Variants in WDR70 observed in about 807,000 individuals in gnomAD.
The protein encoded by WDR70 is WD repeat domain 70, also known as WD repeat-containing protein 70.
WDR70 carries 53 observed loss-of-function variants against 88.6 expected under a neutral mutation model. The ratio of observed to expected loss-of-function variants is 0.60; its 90% confidence interval spans 0.48 to 0.75. WDR70 has a LOEUF of 0.75. WDR70 is among the 30% of genes least tolerant of loss of function. The pLI, the probability that WDR70 is intolerant of heterozygous loss-of-function variation, is 0.00. For missense variants in WDR70, 610 were observed against 823.2 expected, an observed-to-expected ratio of 0.74 and a Z score of 3.17; for synonymous variants, 280 against 270.0, an observed-to-expected ratio of 1.04 and a Z score of -0.36.
intron 6 of WDR70, among the ~76,000 whole-genome samples, chr5:37,440,202 A>G (rs1023489903): frequency 1.3e-5 from 2 of 152,216 alleles, no homozygotes; most frequent in Non-Finnish European, 2.9e-5. Flanking sequence ...TATACTTACT[A>G]TGGCATAATA....
chr5:37,453,852 C>G (rs985681438), intron 7 of WDR70, among the ~76,000 whole-genome samples: 1 of 152,170 alleles, frequency 6.6e-6, no homozygotes, highest in Admixed American at 6.5e-5. Flanking sequence ...AATGTCAGCT[C>G]CTCAGAGAGA....
At chr5:37,472,054 C>A (rs1739342217) in intron 7 of WDR70, among the ~76,000 whole-genome samples, 1 of 151,660 alleles carries the variant, frequency 6.6e-6, no homozygotes, top group African/African-American at 2.4e-5. Flanking sequence ...TACCCTTTAT[C>A]AAATTAAGAA....
At chr5:37,446,915 G>A (rs1738501120) in intron 7 of WDR70, among the ~76,000 whole-genome samples, 1 of 152,138 alleles carries the variant, frequency 6.6e-6, no homozygotes, top group Admixed American at 6.6e-5. Context: ...AAAAGCAATG[G>A]TAACAAAAGC....
chr5:37,640,508 A>G (rs540656510), intron 10 of WDR70, among the ~76,000 whole-genome samples: 25 of 152,308 alleles, frequency 1.6e-4, no homozygotes, highest in African/African-American at 5.3e-4. Context: ...AATAATTTTA[A>G]AAGAACATGC....
chr5:37,486,947 G>A (rs1438539540), intron 8 of WDR70, among the ~76,000 whole-genome samples: 4 of 152,062 alleles, frequency 2.6e-5, no homozygotes, highest in African/African-American at 4.8e-5. Context: ...TTCTTTTGCT[G>A]TGCAGAAGCT....
intron 8 of WDR70, among the ~76,000 whole-genome samples, chr5:37,513,159 T>C (rs945187542): frequency 6.6e-6 from 1 of 152,086 alleles, no homozygotes; most frequent in Non-Finnish European, 1.5e-5. Flanking sequence ...GTTCCAAAAG[T>C]CAAAAAATGA....
rs1561875831 is a variant in WDR70, at chr5:37,497,437, C to CCCTTCCGTCTTCCCTTT, written c.840+17474_840+17490dup. Among the ~76,000 whole-genome samples the CCCTTCCGTCTTCCCTTT allele has an allele frequency of 8.4e-5, 11 of 131,138 alleles. No homozygotes were observed. In the South Asian group the frequency reaches 1.5e-3, roughly 18 times the overall value. The allele number at this position is 131,138 out of a possible 152,430, so 86.0% of individuals were successfully genotyped here. ...CTCCCCTTCCCTTCCCTCTTCCCTT[C>CCCTTCCGTCTTCCCTTT]CCTTCCGTCTTCCCTTTCCTTCCGT... On this transcript the variant is annotated intron_variant, in intron 8 of 17. Transcript: ENST00000265107.
chr5:37,444,336 C>T (rs372673727), intron 7 of WDR70, among the ~76,000 whole-genome samples: 19 of 94,202 alleles, frequency 2.0e-4, no homozygotes, highest in Non-Finnish European at 1.8e-4. Flanking sequence ...CAGCCTTTCT[C>T]TTTTTTTTTT....
At chr5:37,734,686 C>G (rs936520814) in intron 17 of WDR70, among the ~76,000 whole-genome samples, 14 of 152,092 alleles carry the variant, frequency 9.2e-5, no homozygotes, top group Admixed American at 6.6e-4. Flanking sequence ...CAGGGAAGAA[C>G]GTCTACAAAA....
chr5:37,570,681 T>C (rs559347800), intron 9 of WDR70, among the ~76,000 whole-genome samples: 8 of 152,316 alleles, frequency 5.3e-5, no homozygotes, highest in African/African-American at 1.9e-4. Context: ...AGAATAGTTA[T>C]CAAGATCAAT....
chr5:37,386,402 A>C (rs1459037560), intron 3 of WDR70, among the ~76,000 whole-genome samples: 1 of 152,012 alleles, frequency 6.6e-6, no homozygotes, highest in African/African-American at 2.4e-5. Context: ...ATCTAGGCTC[A>C]CTGCAACCTC....
chr5:37,622,104 C>T (rs1297912513), intron 10 of WDR70, among the ~76,000 whole-genome samples: 2 of 152,074 alleles, frequency 1.3e-5, no homozygotes, highest in African/African-American at 4.8e-5. Flanking sequence ...GTTTTGGTAC[C>T]AGTACCATGC....
intron 6 of WDR70, among the ~76,000 whole-genome samples, chr5:37,439,051 G>C (rs1248176253): frequency 6.6e-6 from 1 of 151,938 alleles, no homozygotes; most frequent in Non-Finnish European, 1.5e-5. Context: ...CTGAGTAGCT[G>C]GGACTACAGG....
intron 8 of WDR70, among the ~76,000 whole-genome samples, chr5:37,508,924 T>C (rs991428550): frequency 1.3e-5 from 2 of 152,228 alleles, no homozygotes; most frequent in Non-Finnish European, 2.9e-5. Context: ...TTTTCTTTTC[T>C]GTTTTTGAAA....
At chr5:37,464,243 C>T (rs1352095846) in intron 7 of WDR70, among the ~76,000 whole-genome samples, 1 of 152,178 alleles carries the variant, frequency 6.6e-6, no homozygotes, top group Non-Finnish European at 1.5e-5. Context: ...AGCATATATC[C>T]TGTGAACTGA....
At chr5:37,596,600 G>C (rs1743707348) in intron 9 of WDR70, among the ~76,000 whole-genome samples, 2 of 152,270 alleles carry the variant, frequency 1.3e-5, no homozygotes, top group Admixed American at 6.5e-5. Flanking sequence ...CAGAGCAATA[G>C]AATAGAAGGT....
At chr5:37,579,829 T>A (rs1325836864) in intron 9 of WDR70, among the ~76,000 whole-genome samples, 2 of 152,178 alleles carry the variant, frequency 1.3e-5, no homozygotes, top group Non-Finnish European at 2.9e-5. Flanking sequence ...TTTTATATTA[T>A]GTTTTTCTTT....
At chr5:37,444,723 G>A (rs529321227) in intron 7 of WDR70, among the ~76,000 whole-genome samples, 7 of 152,168 alleles carry the variant, frequency 4.6e-5, no homozygotes, top group African/African-American at 7.2e-5. Context: ...TTAACTCAAC[G>A]GTCCCCAATC....
chr5:37,723,287 C>G, intron 15 of WDR70: 1 of 232,410 alleles, frequency 4.3e-6, no homozygotes. Context: ...AGTTCCACCA[C>G]TGAGTGGCAA....
Sources: allele counts gnomAD v4.1 joint callset (sites outside exome capture counted in the v4.1 genomes callset), GRCh38; gene constraint gnomAD v4.1.1; transcripts MANE v1.5; gene names NCBI Gene and HGNC (gene_info 2026-07-23, HGNC 2026-07-21).